ATP5MC2: variants seen among roughly 807,000 people sequenced by gnomAD.
The protein encoded by ATP5MC2 is ATP synthase membrane subunit c locus 2.
In ATP5MC2, 11 loss-of-function variants were observed where a neutral mutation model predicts 13.5. The ratio of observed to expected loss-of-function variants is 0.81; its 90% confidence interval spans 0.51 to 1.35. The LOEUF is 1.35. Among genes scored for constraint, ATP5MC2 ranks in the 40% most tolerant of loss-of-function variants. ATP5MC2 has a pLI of 0.00. For missense variants in ATP5MC2, 132 were observed against 175.0 expected, an observed-to-expected ratio of 0.75 and a Z score of 1.39; for synonymous variants, 64 against 69.7, an observed-to-expected ratio of 0.92 and a Z score of 0.41.
intron 4 of ATP5MC2, among the ~76,000 whole-genome samples, chr12:53,667,996 AAT>A (rs1565625383): frequency 8.3e-4 from 39 of 46,712 alleles, no homozygotes; most frequent in African/African-American, 1.9e-3. Context: ...TATATATATA[AAT>A]TTTTTTTTTT....
chr12:53,665,237 G>T lies in ATP5MC2; in HGVS notation c.*77C>A. On this transcript the variant is annotated 3_prime_UTR_variant, in exon 5 of 5. Coordinates refer to ENST00000394349, the MANE Select transcript of ATP5MC2 (RefSeq NM_005176.7). Reference sequence around the variant, plus strand: ...CTGAGCCAACCACGTTCCCCAGGCTGCCTGGGGAGGTATAGGAAAAGGAAC... The same window carrying T: ...CTGAGCCAACCACGTTCCCCAGGCTTCCTGGGGAGGTATAGGAAAAGGAAC... The T allele has an allele frequency of 1.7e-6, 2 of 1,162,070 alleles. No homozygotes were observed. The highest frequency in any genetic ancestry group is 2.5e-6 in the Non-Finnish European group (2 of 808,206). The allele number at this position is 1,162,070 out of a possible 1,614,324, so 72.0% of individuals were successfully genotyped here. A position where few individuals can be genotyped will look rare whatever the true frequency, so the allele number is the denominator to read the frequency against.
chr12:53,677,352 C>T (rs529172440), upstream of ATP5MC2: 68 of 152,378 alleles, frequency 4.5e-4, no homozygotes, highest in African/African-American at 1.6e-3. Flanking sequence ...CCGCTGAAAG[C>T]CCACGGAGCA....
rs1320605062 is a variant in ATP5MC2 at position 53,665,561 on chromosome 12, C to T, written c.312-133G>A. 1.4e-5 allele frequency: 10 copies of T among 738,706 alleles called. No individual in the cohort carries two copies. In the African/African-American group the frequency reaches 1.6e-4, roughly 12 times the overall value. The allele number at this position is 738,706 out of a possible 1,614,324, so 45.8% of individuals were successfully genotyped here. ...TAATAAAGAAGCTTTTAGGGTAACA[C>T]CATCATGCCCAAATTCTTGCCCTGA... On this transcript the variant is annotated intron_variant, in intron 4 of 4. Transcript: ENST00000394349.
intron 4 of ATP5MC2, among the ~76,000 whole-genome samples, chr12:53,668,848 A>G (rs1389707364): frequency 6.6e-6 from 1 of 151,940 alleles, no homozygotes; most frequent in Non-Finnish European, 1.5e-5. Flanking sequence ...GCGAAACCCC[A>G]TCTCTACTAA....
In ATP5MC2 at chr12:53,675,005, G is replaced by C. The variant is rs547490043; in HGVS notation, c.-32+1048C>G. Among the ~76,000 whole-genome samples the C allele has an allele frequency of 4.6e-5, 7 of 152,268 alleles. No homozygotes were observed. In the East Asian group the frequency reaches 1.4e-3, roughly 29 times the overall value. The stretch of plus-strand genomic sequence containing the variant: ...TCATTTACAAATTAACATACATAAA[G>C]AGTTTAATGTGGTGCTGGCATATAA... On this transcript the variant is annotated intron_variant, in intron 1 of 4. Transcript: ENST00000394349.
At chr12:53,667,950 CACACACATATATATAT>C (rs1159597949) in intron 4 of ATP5MC2, among the ~76,000 whole-genome samples, 24 of 37,264 alleles carry the variant, frequency 6.4e-4, no homozygotes, top group Admixed American at 4.4e-3. Context: ...TACATACATA[CACACACATATATATAT>C]ATATATATAT....
rs998395727 is a variant in ATP5MC2 at position 53,670,624 on chromosome 12, C to CT, written c.40-677dup. On this transcript the variant is annotated intron_variant, in intron 2 of 4. Transcript: ENST00000394349. ...CGAAGTATGGTTTCTTTCTTTCTTT[C>CT]TTTTTTTTTTTTGAGACGGAGTCTT... Among the ~76,000 whole-genome samples the CT allele has an allele frequency of 4.7e-3, 680 of 144,602 alleles. 7 individuals are homozygous for CT. The highest frequency in any genetic ancestry group is 0.023 in the Admixed American group (331 of 14,374). The allele number at this position is 144,602 out of a possible 152,430, so 94.9% of individuals were successfully genotyped here. A position where few individuals can be genotyped will look rare whatever the true frequency, so the allele number is the denominator to read the frequency against.
At chr12:53,680,597 A>G (rs765138422), upstream of ATP5MC2, among the ~76,000 whole-genome samples, 4 of 152,180 alleles carry the variant, frequency 2.6e-5, no homozygotes, top group Non-Finnish European at 4.4e-5. Flanking sequence ...TGGGAAGCTG[A>G]GGCAGGGAGA....
intron 2 of ATP5MC2, among the ~76,000 whole-genome samples, chr12:53,671,400 ACTC>A (rs756485121): frequency 6.6e-6 from 1 of 152,254 alleles, no homozygotes; most frequent in East Asian, 1.9e-4. Flanking sequence ...AATAAATGGT[ACTC>A]CTTTTTATTT....
upstream of ATP5MC2, among the ~76,000 whole-genome samples, chr12:53,679,238 C>CAGAGAGA (rs1491399184): frequency 7.8e-6 from 1 of 127,684 alleles, no homozygotes; most frequent in Non-Finnish European, 1.6e-5. Context: ...ATTTTAAAAA[C>CAGAGAGA]GAGAGAGAGA....
At chr12:53,667,954 CACATATATATATATATAT>C (rs1414735311) in intron 4 of ATP5MC2, among the ~76,000 whole-genome samples, 14 of 26,968 alleles carry the variant, frequency 5.2e-4, no homozygotes, top group Admixed American at 1.1e-3. Context: ...TACATACACA[CACATATATATATATATAT>C]ATATATATAT....
intron 4 of ATP5MC2, among the ~76,000 whole-genome samples, 199 bp downstream of exon 4, chr12:53,668,949 T>C (rs1945011690): frequency 6.6e-6 from 1 of 151,974 alleles, no homozygotes; most frequent in Non-Finnish European, 1.5e-5. Flanking sequence ...AACCCAGAGG[T>C]AGAGGTGACA....
intron 1 of ATP5MC2, 194 bp from the exon 2 acceptor site, chr12:53,672,839 A>G (rs1945142034): frequency 1.7e-6 from 1 of 573,724 alleles, no homozygotes; most frequent in East Asian, 3.0e-5. Context: ...AGATTTCCTT[A>G]TAATGAAGTG....
chr12:53,671,803 C>T (rs562248569), intron 2 of ATP5MC2, among the ~76,000 whole-genome samples: 3 of 152,162 alleles, frequency 2.0e-5, no homozygotes, highest in Non-Finnish European at 2.9e-5. Context: ...AGGCCGAGGA[C>T]GGCGGATCAC....
At chr12:53,666,210 G>A (rs1333985030) in intron 4 of ATP5MC2, among the ~76,000 whole-genome samples, 2 of 151,950 alleles carry the variant, frequency 1.3e-5, no homozygotes, top group Non-Finnish European at 2.9e-5. Flanking sequence ...TTGGGAGGCC[G>A]AGATGAGTAG....
chr12:53,675,739 G>C (rs929859203), intron 1 of ATP5MC2, among the ~76,000 whole-genome samples: 5 of 152,182 alleles, frequency 3.3e-5, no homozygotes, highest in African/African-American at 1.2e-4. Context: ...AATCTGAAAG[G>C]GCCAGAGGGC....
At chr12:53,675,188 A>G (rs1049164817) in intron 1 of ATP5MC2, among the ~76,000 whole-genome samples, 7 of 151,996 alleles carry the variant, frequency 4.6e-5, no homozygotes, top group African/African-American at 1.7e-4. Context: ...GATGAGTCAC[A>G]GGGGTAGTAA....
chr12:53,676,111 G>A (rs755876081), upstream of ATP5MC2: 1 of 1,614,240 alleles, frequency 6.2e-7, no homozygotes, highest in South Asian at 1.1e-5. Flanking sequence ...CGAAAGGAAG[G>A]CTCAGCGCAT....
Position 53,669,189 on chromosome 12 carries a change from C to A in ATP5MC2, c.270G>T (p.Gly90=). 6.2e-7 allele frequency: 1 copy of A among 1,613,752 alleles called. No homozygotes were observed. Among genetic ancestry groups the A allele is most frequent in the Non-Finnish European group, 8.5e-7 (1 of 1,179,802 alleles). The change falls in exon 4 of 5, where the codon GGG becomes GGT. Residue 90 remains glycine, a synonymous_variant. Coordinates refer to ENST00000394349, the MANE Select transcript of ATP5MC2 (RefSeq NM_005176.7). ...ATVGVAGSGA[G]IGTVFGSLII... is the part of the protein sequence containing the mutation. ...TGAGGCTCCCAAACACAGTTCCAAT[C>A]CCAGCCCCAGAACCAGCCACCCCAA...
Sources: allele counts gnomAD v4.1 joint callset (sites outside exome capture counted in the v4.1 genomes callset), GRCh38; gene constraint gnomAD v4.1.1; transcripts MANE v1.5; gene names NCBI Gene and HGNC (gene_info 2026-07-23, HGNC 2026-07-21).